The following F8 variants were observed in gnomAD, a reference collection of about 807,000 sequenced individuals.
The protein encoded by F8 is coagulation factor VIII, also known as antihemophilic factor.
Under a neutral mutation model 140.6 loss-of-function variants are expected in F8, and 12 were observed. The observed-to-expected ratio is 0.09, with a 90% CI of 0.05 to 0.14. The LOEUF (loss-of-function observed/expected upper bound fraction) is 0.14. Ranked by LOEUF, F8 falls within the 10% of genes least tolerant of loss-of-function variation. The pLI is 1.00. For missense variants in F8, 1,354 were observed against 1,720.7 expected (o/e 0.79, Z 3.77); for synonymous variants, 585 against 614.6 (o/e 0.95, Z 0.71).
chrX:154,972,552 T>C (rs952351590), intron 6 of F8, among the ~76,000 whole-genome samples: 1 of 110,956 alleles, frequency 9.0e-6, no homozygotes, highest in African/African-American at 3.3e-5. Context: ...TATTTTTGCT[T>C]TTGTTACTCA....
At chrX:154,940,944 C>G (rs1200466780) in intron 13 of F8, among the ~76,000 whole-genome samples, 9 of 111,490 alleles carry the variant, frequency 8.1e-5, no homozygotes, top group African/African-American at 2.6e-4. Context: ...GAAATAAAAT[C>G]CTTTACAGAC....
At chrX:154,928,507 G>A in intron 14 of F8, 64 bp downstream of exon 14, 1 of 979,986 alleles carries the variant, frequency 1.0e-6, no homozygotes, top group Non-Finnish European at 1.5e-6. Context: ...CATTGTTGGT[G>A]TCATCATCTG....
chrX:154,876,440 T>C (rs1488252199), intron 22 of F8, among the ~76,000 whole-genome samples: 1 of 111,854 alleles, frequency 8.9e-6, no homozygotes, highest in Non-Finnish European at 1.9e-5. Flanking sequence ...AAAATTATTC[T>C]GCCATGTAGC....
rs782498896 is a variant in F8, at chrX:154,862,946, G to A, written c.6574+137C>T. 1.5e-4 allele frequency: 94 copies of A among 643,142 alleles called. No individual in the cohort carries two copies. In the African/African-American group the frequency reaches 1.8e-3, roughly 12 times the overall value. The allele number at this position is 643,142 out of a possible 1,213,427, so 53.0% of individuals were successfully genotyped here. A position where few individuals can be genotyped will look rare whatever the true frequency, so the allele number is the denominator to read the frequency against. Reference sequence around the variant, plus strand: ...TGAATGGTATTTCTGGGTTTGCCCAGGACTATGCTGGTTTTAGCACTGACA... The same window carrying A: ...TGAATGGTATTTCTGGGTTTGCCCAAGACTATGCTGGTTTTAGCACTGACA... On this transcript the variant is annotated intron_variant, in intron 23 of 25. Transcript: ENST00000360256.
intron 25 of F8, among the ~76,000 whole-genome samples, chrX:154,838,383 T>C (rs1405974716): frequency 9.0e-6 from 1 of 111,712 alleles, no homozygotes; most frequent in Non-Finnish European, 1.9e-5. Context: ...GTTCAAAACG[T>C]GTAATTCAAG....
chrX:154,888,409 C>CTTTTTTTTTTTTTTA (rs1569559435), intron 22 of F8, among the ~76,000 whole-genome samples: 1 of 5,664 alleles, frequency 1.8e-4, no homozygotes, highest in Non-Finnish European at 3.4e-4. Context: ...TTTTTTTTCC[C>CTTTTTTTTTTTTTTA]CCCGAGATGG....
chrX:154,982,750 C>T (rs114797652), intron 6 of F8, among the ~76,000 whole-genome samples: 1,462 of 111,214 alleles, frequency 0.013, 26 homozygotes, highest in African/African-American at 0.045. Context: ...GAAAACTCTG[C>T]ATGATGCTAA....
chrX:155,018,219 A>G (rs1411198330), intron 1 of F8, among the ~76,000 whole-genome samples: 1 of 111,747 alleles, frequency 8.9e-6, no homozygotes, highest in Non-Finnish European at 1.9e-5. Context: ...ACTTTTCCTG[A>G]AAAGTTATCC....
intron 6 of F8, among the ~76,000 whole-genome samples, chrX:154,973,752 T>C (rs949695663): frequency 5.3e-5 from 6 of 112,161 alleles, no homozygotes; most frequent in African/African-American, 6.5e-5. Context: ...CAGTTTTCTA[T>C]ATATAAGATC....
At chrX:154,965,460 G>A (rs1292747459) in intron 9 of F8, among the ~76,000 whole-genome samples, 6 of 111,166 alleles carry the variant, frequency 5.4e-5, no homozygotes, top group Non-Finnish European at 7.5e-5. Flanking sequence ...CCTAGATCAG[G>A]AGCAAGCAAG....
At chrX:154,993,652 G>A (rs2073601474) in intron 3 of F8, among the ~76,000 whole-genome samples, 1 of 112,144 alleles carries the variant, frequency 8.9e-6, no homozygotes, top group African/African-American at 3.2e-5. Flanking sequence ...ACCCTAGCAT[G>A]AGCAGTAAAA....
intron 12 of F8, among the ~76,000 whole-genome samples, chrX:154,948,262 G>C (rs183191401): frequency 3.6e-5 from 4 of 111,583 alleles, no homozygotes; most frequent in South Asian, 3.8e-4. Context: ...TCAAGGAAAT[G>C]AAAGAAGCAG....
rs28933680 is a variant in F8 at position 154,904,493 on chromosome X, G to A, written c.5618C>T (p.Pro1873Leu). The change falls in exon 17 of 26, where the codon CCC (proline) becomes CTC (leucine). Residue 1873 changes from proline (P) to leucine (L), a missense_variant. Transcript: ENST00000360256. ...EKDVHSGLIGPLLVCHTNTLN... is the reference protein window; with the variant it reads ...EKDVHSGLIGLLLVCHTNTLN... ...TGTGTTAGTGTGGCAGACCAGAAGG[G>A]GTCCAATCAGGCCTGAGTGCACATC... 1.7e-6 allele frequency: 2 copies of A among 1,208,078 alleles called. No individual in the cohort carries two copies. The highest frequency in any genetic ancestry group is 2.2e-6 in the Non-Finnish European group (2 of 894,046).
chrX:154,999,426 T>C (rs1158242913), intron 2 of F8, 53 bp downstream of exon 2: 2 of 1,162,544 alleles, frequency 1.7e-6, no homozygotes, highest in Non-Finnish European at 2.3e-6. Flanking sequence ...GAATCTGTGA[T>C]AGAAAATAAG....
rs2073445273 is a variant in F8, at chrX:154,969,556, T to G, written c.788-4A>C. 1 of 1,196,706 alleles carries G rather than the reference T, an allele frequency of 8.4e-7. No homozygotes were observed. The highest frequency in any genetic ancestry group is 1.1e-6 in the Non-Finnish European group (1 of 883,178). ...TTCCTGTGGCATCCAATCAGACCTG[T>G]AAAGTAGGAATAAGACACCTATGGC... On this transcript the variant is annotated splice_region_variant and splice_polypyrimidine_tract_variant and intron_variant, in intron 6 of 25. Transcript: ENST00000360256.
Position 155,022,721 on chromosome X carries a change from A to G in F8, c.-169T>C. 2 of 1,093,505 alleles carry G rather than the reference A, an allele frequency of 1.8e-6. No individual in the cohort carries two copies. Among genetic ancestry groups the G allele is most frequent in the South Asian group, 4.6e-5 (2 of 43,925 alleles). 90.1% of individuals were successfully genotyped at this position (1,093,505 alleles called of 1,213,427 possible). A position where few individuals can be genotyped will look rare whatever the true frequency, so the allele number is the denominator to read the frequency against. ...TACCCACTGGATGTGCTCAGCACTA[A>G]GCAGTAACCGATAGGATTGCTTCCT... On this transcript the variant is annotated 5_prime_UTR_variant, in exon 1 of 26. Transcript: ENST00000360256.
chrX:154,879,034 G>C (rs782399711), intron 22 of F8, among the ~76,000 whole-genome samples: 1 of 111,546 alleles, frequency 9.0e-6, no homozygotes, highest in African/African-American at 3.2e-5. Context: ...TGAATTGGAA[G>C]ACAATATTAT....
At chrX:154,838,493 A>G (rs2072492462) in intron 25 of F8, among the ~76,000 whole-genome samples, 1 of 112,091 alleles carries the variant, frequency 8.9e-6, no homozygotes, top group Non-Finnish European at 1.9e-5. Flanking sequence ...TTGGAGAAAA[A>G]GGAACAGAAT....
intron 1 of F8, among the ~76,000 whole-genome samples, chrX:155,002,727 A>G (rs958793689): frequency 8.1e-5 from 9 of 111,718 alleles, no homozygotes; most frequent in African/African-American, 2.6e-4. Flanking sequence ...TTTTGCATAT[A>G]TAGCCAGAAG....
Sources: gnomAD v4.1 joint callset for allele counts (sites outside exome capture counted in the v4.1 genomes callset) on GRCh38, gnomAD v4.1.1 for gene constraint, MANE v1.5 for transcripts, NCBI Gene and HGNC (gene_info 2026-07-23, HGNC 2026-07-21) for gene names.